RIMKLB: variants seen among roughly 807,000 people sequenced by gnomAD.
RIMKLB encodes the protein ribosomal modification protein rimK like family member B, also known as beta-citrylglutamate synthase B.
RIMKLB carries 7 observed loss-of-function variants against 32.0 expected under a neutral mutation model. The observed-to-expected ratio is 0.22, with a 90% CI of 0.12 to 0.41. The LOEUF is 0.41. Among genes scored for constraint, RIMKLB ranks in the 10% least tolerant of loss-of-function variants. RIMKLB has a pLI of 1.00. For synonymous variants in RIMKLB, 172 were observed against 185.1 expected (o/e 0.93, Z 0.57); for missense variants, 289 against 498.7 (o/e 0.58, Z 4.00).
intron 2 of RIMKLB, among the ~76,000 whole-genome samples, chr12:8,716,725 C>CTTTTTTTTTTTTTTTTTTT (rs71451981): frequency 6.3e-5 from 6 of 95,160 alleles, no homozygotes; most frequent in East Asian, 3.2e-4. Context: ...TCTTTTCCTT[C>CTTTTTTTTTTTTTTTTTTT]TTTTTTTTTT....
the RIMKLB span, among the ~76,000 whole-genome samples, chr12:8,672,260 A>T: frequency 6.6e-6 from 1 of 152,166 alleles, no homozygotes; most frequent in South Asian, 2.1e-4. Context: ...TCTTCTTCTG[A>T]ACCCTTCAAA....
Position 8,698,296 on chromosome 12 carries a change from A to G in RIMKLB, c.-58A>G. ...GAGCGAGGGAGGAGCCCCCCGACCC[A>G]GGTGAGCGGTACGACCGCTGTTGCC... is the stretch of plus-strand genomic sequence containing the variant. On this transcript the variant is annotated splice_region_variant and 5_prime_UTR_variant, in exon 1 of 6. Coordinates refer to ENST00000535829, the MANE Select transcript of RIMKLB (RefSeq NM_001297776.2). 1 of 340,410 alleles carries G rather than the reference A, an allele frequency of 2.9e-6. No individual in the cohort carries two copies. The highest frequency in any genetic ancestry group is 6.0e-6 in the Non-Finnish European group (1 of 165,896). 21.1% of individuals were successfully genotyped at this position (340,410 alleles called of 1,614,324 possible). A position where few individuals can be genotyped will look rare whatever the true frequency, so the allele number is the denominator to read the frequency against.
chr12:8,701,891 G>GCTACTC (rs549434625), intron 1 of RIMKLB, among the ~76,000 whole-genome samples: 112 of 151,194 alleles, frequency 7.4e-4, no homozygotes, highest in Non-Finnish European at 1.4e-3. Context: ...TGTAATCTCA[G>GCTACTC]CTACTCGGGG....
chr12:8,674,865 T>C, the RIMKLB span, among the ~76,000 whole-genome samples: 1 of 139,102 alleles, frequency 7.2e-6, no homozygotes, highest in Non-Finnish European at 1.5e-5. Flanking sequence ...TCACAATTCT[T>C]TTTTTTTTTT....
intron 1 of RIMKLB, among the ~76,000 whole-genome samples, chr12:8,703,238 C>G (rs1256393136): frequency 6.6e-6 from 1 of 151,974 alleles, no homozygotes; most frequent in Non-Finnish European, 1.5e-5. Context: ...GAGCCAAGAT[C>G]GCACCACTGC....
upstream of RIMKLB, among the ~76,000 whole-genome samples, chr12:8,696,562 G>A (rs1051105866): frequency 6.6e-6 from 1 of 152,116 alleles, no homozygotes; most frequent in Non-Finnish European, 1.5e-5. Flanking sequence ...CCATGAAGTA[G>A]GTGACTATTT....
intron 5 of RIMKLB, among the ~76,000 whole-genome samples, chr12:8,768,971 T>C (rs763058243): frequency 6.6e-6 from 1 of 152,344 alleles, no homozygotes; most frequent in East Asian, 1.9e-4. Context: ...CTTTTTGTTT[T>C]CATTATATCT....
chr12:8,773,285 G>A (rs150016941), intron 5 of RIMKLB, 36 bp from the exon 6 acceptor site: 4 of 1,441,734 alleles, frequency 2.8e-6, no homozygotes, highest in East Asian at 4.6e-5. Flanking sequence ...AAAAGTTTAT[G>A]ATTTTGTTAA....
chr12:8,674,804 C>A, the RIMKLB span, among the ~76,000 whole-genome samples: 1 of 151,954 alleles, frequency 6.6e-6, no homozygotes, highest in East Asian at 1.9e-4. Context: ...CCCACCTCAG[C>A]CTTTCAAAGT....
the RIMKLB span, among the ~76,000 whole-genome samples, chr12:8,670,357 C>CT: frequency 6.6e-6 from 1 of 152,176 alleles, no homozygotes; most frequent in African/African-American, 2.4e-5. Context: ...TTCCTAGATA[C>CT]AATGGGGTAC....
In RIMKLB at chr12:8,773,628, C is replaced by T. The variant is rs1364006798; in HGVS notation, c.1005C>T (p.Pro335=). The T allele has an allele frequency of 1.2e-6, 2 of 1,614,250 alleles. No homozygotes were observed. The highest frequency in any genetic ancestry group is 1.7e-6 in the Non-Finnish European group (2 of 1,180,046). Residue 335 remains proline, a synonymous_variant, in exon 6 of 6, where the codon CCC becomes CCT. Transcript: ENST00000535829. ...AGACTAGTGAGCCGGAGCTGGGTCC[C>T]CCAGCCAGCACTGCTGTTGACAACA... ...ASETSEPELG[P]PASTAVDNMS...
chr12:8,741,809 T>C (rs1947561821), intron 2 of RIMKLB, among the ~76,000 whole-genome samples: 1 of 151,800 alleles, frequency 6.6e-6, no homozygotes, highest in Admixed American at 6.6e-5. Context: ...ACTCCCTGGG[T>C]GACAGGATCA....
At chr12:8,736,380 G>A (rs780510772) in intron 2 of RIMKLB, among the ~76,000 whole-genome samples, 54 of 152,130 alleles carry the variant, frequency 3.5e-4, no homozygotes, top group African/African-American at 1.2e-3. Context: ...AATACAAATA[G>A]CTCGTATATA....
Position 8,774,411 on chromosome 12 carries a change from A to C in RIMKLB, c.*627A>C, listed in dbSNP as rs866514744. The C allele has an allele frequency of 6.1e-6, 6 of 985,810 alleles. No individual in the cohort carries two copies. Among genetic ancestry groups the C allele is most frequent in the Middle Eastern group, 5.2e-4 (1 of 1,914 alleles). 61.1% of individuals were successfully genotyped at this position (985,810 alleles called of 1,614,324 possible). A position where few individuals can be genotyped will look rare whatever the true frequency, so the allele number is the denominator to read the frequency against. On this transcript the variant is annotated 3_prime_UTR_variant, in exon 6 of 6. Transcript: ENST00000535829. ...AAGGCTTCTTAATGACAAAATTGGC[A>C]TGTTTGCATGATGAAATGGAAATGA...
intron 1 of RIMKLB, among the ~76,000 whole-genome samples, chr12:8,705,624 T>C (rs1015962531): frequency 4.6e-5 from 7 of 152,126 alleles, no homozygotes; most frequent in Non-Finnish European, 1.0e-4. Flanking sequence ...GGTATATCAG[T>C]CAGGGTTCTC....
At chr12:8,744,558 T>A (rs1198041768) in intron 2 of RIMKLB, among the ~76,000 whole-genome samples, 3 of 142,522 alleles carry the variant, frequency 2.1e-5, no homozygotes, top group Admixed American at 6.7e-5. Context: ...AAATTTAATC[T>A]TCTTGTTTTG....
At chr12:8,745,594 A>G (rs1345218243) in intron 2 of RIMKLB, among the ~76,000 whole-genome samples, 4 of 148,760 alleles carry the variant, frequency 2.7e-5, no homozygotes, top group Admixed American at 1.3e-4. Context: ...GGGTTTCTCC[A>G]TGTTGGTCAG....
At chr12:8,748,817 T>C (rs963197833) in intron 2 of RIMKLB, among the ~76,000 whole-genome samples, 5 of 151,926 alleles carry the variant, frequency 3.3e-5, no homozygotes, top group African/African-American at 7.3e-5. Context: ...CGGACGCCTG[T>C]AGTCCCAGCC....
chr12:8,779,224 C>T (rs1950902255), downstream of RIMKLB: 2 of 152,134 alleles, frequency 1.3e-5, no homozygotes, highest in Admixed American at 6.5e-5. Flanking sequence ...GTTTGAATAC[C>T]ACTGACTTGT....
Sources: allele counts gnomAD v4.1 joint callset (sites outside exome capture counted in the v4.1 genomes callset), GRCh38; gene constraint gnomAD v4.1.1; transcripts MANE v1.5; gene names NCBI Gene and HGNC (gene_info 2026-07-23, HGNC 2026-07-21).